Variants in MED13L observed in about 807,000 individuals in gnomAD.
MED13L encodes mediator complex subunit 13L.
Under a neutral mutation model 220.9 loss-of-function variants are expected in MED13L, and 7 were observed. That is an observed-to-expected ratio of 0.03 (90% CI 0.02 to 0.06). MED13L has a LOEUF of 0.06. Ranked by LOEUF, MED13L falls within the 10% of genes least tolerant of loss-of-function variation. MED13L has a pLI of 1.00. For missense variants in MED13L, 1,965 were observed against 2,760.5 expected (o/e 0.71, Z 6.46); for synonymous variants, 1,011 against 1,015.2 (o/e 1.00, Z 0.08).
At position 116,040,563 on chromosome 12, in the gene MED13L, T is replaced by C. The variant is rs183274508; in HGVS notation, c.480-17962A>G. ...GCCTTTCTTTGGATCAGCCAGGTCATTTACTCAAAAAATAAAAGATTCCAT... is the reference window on the plus strand; with the variant it reads ...GCCTTTCTTTGGATCAGCCAGGTCACTTACTCAAAAAATAAAAGATTCCAT... On this transcript the variant is annotated intron_variant, in intron 4 of 30. Transcript: ENST00000281928. 5.9e-5 allele frequency among the ~76,000 whole-genome samples: 9 copies of C among 152,294 alleles called. No individual in the cohort carries two copies. In the East Asian group the frequency reaches 1.5e-3, roughly 26 times the overall value.
rs1451866118 is a variant in MED13L at position 116,277,624 on chromosome 12, C to G, written c.-493G>C. 6.7e-6 allele frequency among the ~76,000 whole-genome samples: 1 copy of G among 149,594 alleles called. No homozygotes were observed. The highest frequency in any genetic ancestry group is 1.5e-5 in the Non-Finnish European group (1 of 67,020). Reference sequence around the variant, plus strand: ...ACGTCCCCTCCTTCCTCTTCCTCCCCCACCCCCCCCTCCTCCCCAGTCAGC... The same window carrying G: ...ACGTCCCCTCCTTCCTCTTCCTCCCGCACCCCCCCCTCCTCCCCAGTCAGC... On this transcript the variant is annotated 5_prime_UTR_variant, in exon 1 of 31. Coordinates refer to ENST00000281928, the MANE Select transcript of MED13L (RefSeq NM_015335.5).
At chr12:116,232,726 C>G (rs897722546) in intron 2 of MED13L, among the ~76,000 whole-genome samples, 1 of 152,168 alleles carries the variant, frequency 6.6e-6, no homozygotes, top group African/African-American at 2.4e-5. Context: ...TTGGGTTTTC[C>G]AGATTGCATG....
chr12:116,256,377 T>A (rs1872043394), intron 1 of MED13L, among the ~76,000 whole-genome samples: 1 of 151,572 alleles, frequency 6.6e-6, no homozygotes, highest in African/African-American at 2.4e-5. Context: ...TTAAAAATTC[T>A]AGAAAGGGCA....
At chr12:115,982,681 T>C (rs886348374) in intron 21 of MED13L, 78 bp from the exon 22 acceptor site, 254 of 1,199,404 alleles carry the variant, frequency 2.1e-4, no homozygotes, top group Non-Finnish European at 1.8e-4. Flanking sequence ...GGCTCAATTC[T>C]AGAGCACACA....
At chr12:116,212,427 T>C (rs961907305) in intron 2 of MED13L, among the ~76,000 whole-genome samples, 4 of 152,194 alleles carry the variant, frequency 2.6e-5, no homozygotes, top group African/African-American at 9.7e-5. Flanking sequence ...ATGAAATCAA[T>C]AAATCTTCTG....
intron 2 of MED13L, among the ~76,000 whole-genome samples, chr12:116,163,066 A>G (rs559531452): frequency 6.6e-6 from 1 of 152,182 alleles, no homozygotes; most frequent in Non-Finnish European, 1.5e-5. Flanking sequence ...AATGCAAAAT[A>G]CAATTATTTC....
At chr12:115,993,047 C>T (rs1162969180) in intron 16 of MED13L, among the ~76,000 whole-genome samples, 1 of 150,838 alleles carries the variant, frequency 6.6e-6, no homozygotes, top group Admixed American at 6.6e-5. Context: ...CAGTAAAGTA[C>T]AACATTTATA....
At chr12:116,165,709 T>C (rs530306884) in intron 2 of MED13L, among the ~76,000 whole-genome samples, 83 of 152,300 alleles carry the variant, frequency 5.4e-4, no homozygotes, top group African/African-American at 1.9e-3. Flanking sequence ...CCTGTCTCGT[T>C]GCCCAACCAC....
At chr12:116,102,739 T>G (rs1488402029) in intron 3 of MED13L, among the ~76,000 whole-genome samples, 9 of 126,548 alleles carry the variant, frequency 7.1e-5, no homozygotes, top group African/African-American at 2.8e-4. Flanking sequence ...TTTTTTTTTT[T>G]GATACGGAGT....
In MED13L at chr12:116,022,585, C is replaced by T. The variant is rs978898508; in HGVS notation, c.496G>A (p.Ala166Thr). ...TCTCCATGCAGAAAGAATGTGAAAG[C>T]ACAGGACAAATGCTCACTACAAAAG... The part of the protein sequence containing the change: ...PVNKSEHLSC[A>T]FTFFLHGESN... Residue 166 changes from alanine to threonine, a missense_variant, in exon 5 of 31, where the codon GCT (alanine) becomes ACT (threonine). By Grantham distance (58) the Ala-to-Thr change is moderately conservative. Coordinates refer to ENST00000281928, the MANE Select transcript of MED13L (RefSeq NM_015335.5). The T allele has an allele frequency of 3.7e-6, 6 of 1,612,372 alleles. No homozygotes were observed. The African/African-American group carries it at 8.0e-5, about 22-fold the overall frequency.
In MED13L at chr12:115,970,686, G is replaced by A. The variant is rs756851749; in HGVS notation, c.5975C>T (p.Ser1992Phe). Residue 1992 changes from serine to phenylalanine, a missense_variant, in exon 27 of 31, where the codon TCT (serine) becomes TTT (phenylalanine). Ser to Phe is a radical substitution (Grantham distance 155). Coordinates refer to ENST00000281928, the MANE Select transcript of MED13L (RefSeq NM_015335.5). ...TGGGAACACCAAGATGTGTGTACAA[G>A]AAGCATCTTGAGGGGTGTTGAGCTG... is the stretch of plus-strand genomic sequence containing the variant. The part of the protein sequence containing the change: ...SSQLNTPQDA[S>F]CTHILVFPTS... The A allele has an allele frequency of 6.2e-7, 1 of 1,614,096 alleles. No individual in the cohort carries two copies. Among genetic ancestry groups the A allele is most frequent in the South Asian group, 1.1e-5 (1 of 91,088 alleles).
intron 2 of MED13L, among the ~76,000 whole-genome samples, chr12:116,226,221 T>C (rs1285529875): frequency 2.6e-5 from 4 of 152,128 alleles, no homozygotes; most frequent in Admixed American, 1.3e-4. Context: ...TGTATGATCA[T>C]GTGGATATTG....
At chr12:115,982,233 G>T in intron 22 of MED13L, 151 bp downstream of exon 22, 2 of 784,924 alleles carry the variant, frequency 2.5e-6, no homozygotes, top group Non-Finnish European at 2.0e-6. Context: ...TCCAAAATCG[G>T]AAATCCAAAA....
intron 11 of MED13L, 140 bp from the exon 12 acceptor site, chr12:116,006,551 AG>A: frequency 1.4e-6 from 1 of 733,688 alleles, no homozygotes; most frequent in East Asian, 2.6e-5. Flanking sequence ...ATGCAACCAA[AG>A]GAAGTAAAAG....
At chr12:116,001,744 T>C (rs1465276676) in intron 14 of MED13L, among the ~76,000 whole-genome samples, 1 of 152,250 alleles carries the variant, frequency 6.6e-6, no homozygotes, top group Non-Finnish European at 1.5e-5. Flanking sequence ...CTACATTTCA[T>C]ATTGATTCGT....
intron 16 of MED13L, among the ~76,000 whole-genome samples, chr12:115,995,906 T>C (rs1001613443): frequency 6.6e-6 from 1 of 152,222 alleles, no homozygotes; most frequent in African/African-American, 2.4e-5. Context: ...TGAACGTGTA[T>C]TACTTTTACA....
At chr12:116,037,260 A>T (rs1426613641) in intron 4 of MED13L, among the ~76,000 whole-genome samples, 3 of 152,210 alleles carry the variant, frequency 2.0e-5, no homozygotes, top group Non-Finnish European at 4.4e-5. Flanking sequence ...TGCCTACATG[A>T]CACCACAAGG....
chr12:116,230,137 C>T (rs776397608), intron 2 of MED13L, among the ~76,000 whole-genome samples: 2 of 152,138 alleles, frequency 1.3e-5, no homozygotes, highest in Non-Finnish European at 2.9e-5. Flanking sequence ...GGCGTGGTGG[C>T]TCACACCTGT....
At chr12:116,272,738 G>C (rs1016095648) in intron 1 of MED13L, among the ~76,000 whole-genome samples, 1 of 152,088 alleles carries the variant, frequency 6.6e-6, no homozygotes, top group Non-Finnish European at 1.5e-5. Context: ...TAGCATACAG[G>C]CCTAAGGTAC....
Sources: allele counts gnomAD v4.1 joint callset (sites outside exome capture counted in the v4.1 genomes callset), GRCh38; gene constraint gnomAD v4.1.1; transcripts MANE v1.5; gene names NCBI Gene and HGNC (gene_info 2026-07-23, HGNC 2026-07-21).